Variants in THSD7A observed in about 807,000 individuals in gnomAD.
The protein encoded by THSD7A is thrombospondin type-1 domain-containing protein 7A.
A neutral mutation model predicts 231.3 loss-of-function variants in THSD7A; 96 were observed. The ratio of observed to expected loss-of-function variants is 0.41; its 90% CI spans 0.35 to 0.49. THSD7A has a LOEUF of 0.49. THSD7A is among the 20% of genes least tolerant of loss of function. THSD7A has a pLI of 0.05. For missense variants in THSD7A, 2,290 were observed against 2,070.2 expected, an observed-to-expected ratio of 1.11 and a Z score of -2.06; for synonymous variants, 940 against 743.3, an observed-to-expected ratio of 1.26 and a Z score of -4.30.
chr7:11,397,238 C>T (rs1168695457), intron 23 of THSD7A, among the ~76,000 whole-genome samples: 1 of 152,128 alleles, frequency 6.6e-6, no homozygotes, highest in East Asian at 1.9e-4. Flanking sequence ...TGGAACACAA[C>T]CGAGGCCTCA....
At chr7:11,660,553 C>A (rs1286448314) in intron 1 of THSD7A, among the ~76,000 whole-genome samples, 2 of 151,120 alleles carry the variant, frequency 1.3e-5, no homozygotes, top group African/African-American at 4.8e-5. Flanking sequence ...TATACAGAAA[C>A]ACATACAAAT....
chr7:11,493,679 C>T (rs1460728538), intron 6 of THSD7A, among the ~76,000 whole-genome samples: 1 of 151,974 alleles, frequency 6.6e-6, no homozygotes. Context: ...GCCCATTGTA[C>T]CATTTTAATT....
rs1006606645 is a variant in THSD7A, at chr7:11,814,560, A to C, written c.190+17197T>G. On this transcript the variant is annotated intron_variant, in intron 1 of 27. Coordinates refer to ENST00000423059, the MANE Select transcript of THSD7A (RefSeq NM_015204.3). This position sits in a 1 kb window ranked among gnomAD's most constrained non-coding sequence, Gnocchi z 5.1. ...TTTCATGATTCTGCAGTGCTTGATC[A>C]ACCAAGGTTGAAGGACCACCTTGTC... Among the ~76,000 whole-genome samples the C allele has an allele frequency of 6.6e-6, 1 of 152,190 alleles. No individual in the cohort carries two copies. The highest frequency in any genetic ancestry group is 2.4e-5 in the African/African-American group (1 of 41,456).
At chr7:11,433,692 G>C (rs969456419) in intron 13 of THSD7A, among the ~76,000 whole-genome samples, 1 of 151,916 alleles carries the variant, frequency 6.6e-6, no homozygotes, top group Non-Finnish European at 1.5e-5. Context: ...AATTATAACT[G>C]AAAATAGAAT....
intron 6 of THSD7A, among the ~76,000 whole-genome samples, chr7:11,534,096 G>A (rs1052693934): frequency 1.3e-5 from 2 of 152,178 alleles, no homozygotes; most frequent in Non-Finnish European, 1.5e-5. Context: ...TGCAAATCAT[G>A]AGATAGTAAA....
chr7:11,577,853 C>T (rs1302237850), intron 4 of THSD7A, among the ~76,000 whole-genome samples: 3 of 151,950 alleles, frequency 2.0e-5, no homozygotes, highest in Non-Finnish European at 4.4e-5. Flanking sequence ...CAGAATTCTT[C>T]AGCAATGGAC....
At chr7:11,533,980 A>G (rs1364991393) in intron 6 of THSD7A, among the ~76,000 whole-genome samples, 9 of 152,110 alleles carry the variant, frequency 5.9e-5, no homozygotes, top group Non-Finnish European at 1.3e-4. Context: ...ACTCTCTTTC[A>G]CAATATTGTA....
intron 6 of THSD7A, among the ~76,000 whole-genome samples, chr7:11,496,277 G>T (rs1269184108): frequency 6.6e-6 from 1 of 152,116 alleles, no homozygotes; most frequent in Non-Finnish European, 1.5e-5. Flanking sequence ...GTTGATTAAT[G>T]TCCCCAACTT....
At chr7:11,735,639 T>A (rs955958847) in intron 1 of THSD7A, among the ~76,000 whole-genome samples, 4 of 151,930 alleles carry the variant, frequency 2.6e-5, no homozygotes, top group Non-Finnish European at 5.9e-5. Context: ...TATACACAAC[T>A]TGTGGTATCC....
intron 6 of THSD7A, among the ~76,000 whole-genome samples, chr7:11,509,514 T>G (rs2128312880): frequency 6.6e-6 from 1 of 152,228 alleles, no homozygotes; most frequent in African/African-American, 2.4e-5. Context: ...TGATCCATGT[T>G]AACAGTGCAG....
At chr7:11,480,114 T>C (rs908935820) in intron 7 of THSD7A, among the ~76,000 whole-genome samples, 1 of 152,188 alleles carries the variant, frequency 6.6e-6, no homozygotes, top group Non-Finnish European at 1.5e-5. Context: ...TATATAAACA[T>C]CTATAACTTT....
chr7:11,670,369 T>A (rs890360717), intron 1 of THSD7A, among the ~76,000 whole-genome samples: 4 of 152,196 alleles, frequency 2.6e-5, no homozygotes, highest in African/African-American at 9.6e-5. Context: ...CCTGAGGCTG[T>A]GTAATGGAAG....
chr7:11,536,985 T>C (rs990334140), intron 6 of THSD7A, among the ~76,000 whole-genome samples: 3 of 152,150 alleles, frequency 2.0e-5, no homozygotes, highest in African/African-American at 7.2e-5. Context: ...ACTATAAGAC[T>C]TAAAATAGGG....
rs1327947307 is a variant in THSD7A, at chr7:11,797,405, CCTCT to C, written c.190+34348_190+34351del. ...TCCTGCCTTCTTTGCTTTCTTTCTGCCTCTCTCTTTTTTTTTTTTTTTTTTTTTT... is the reference window on the plus strand; with the variant it reads ...TCCTGCCTTCTTTGCTTTCTTTCTGCCTCTTTTTTTTTTTTTTTTTTTTTT... On this transcript the variant is annotated intron_variant, in intron 1 of 27. Transcript: ENST00000423059. Among the ~76,000 whole-genome samples the C allele has an allele frequency of 1.6e-4, 24 of 146,942 alleles. No homozygotes were observed. The East Asian group carries it at 2.9e-3, about 18-fold the overall frequency.
rs1562584695 is a variant in THSD7A, at chr7:11,406,614, T to C, written c.4063-140A>G. Reference sequence around the variant, plus strand: ...TTGAAACCCTAGGGAAGAAGCCCTATAGGGCACTAGCAATAAAGCATACAT... The same window carrying C: ...TTGAAACCCTAGGGAAGAAGCCCTACAGGGCACTAGCAATAAAGCATACAT... On this transcript the variant is annotated intron_variant, in intron 21 of 27. Transcript: ENST00000423059. The surrounding 1 kb of genome is among the most constrained non-coding windows in gnomAD (Gnocchi z 4.7). 4 of 933,284 alleles carry C rather than the reference T, an allele frequency of 4.3e-6. No homozygotes were observed. The highest frequency in any genetic ancestry group is 6.1e-5 in the Admixed American group (2 of 32,784). 57.8% of individuals were successfully genotyped at this position (933,284 alleles called of 1,614,324 possible).
At chr7:11,435,413 A>G (rs997840624) in intron 13 of THSD7A, among the ~76,000 whole-genome samples, 9 of 152,124 alleles carry the variant, frequency 5.9e-5, no homozygotes, top group Non-Finnish European at 8.8e-5. Context: ...GGAGAGACCA[A>G]TCATCTGATT....
Position 11,736,220 on chromosome 7 carries a change from G to A in THSD7A, c.190+95537C>T, listed in dbSNP as rs188173061. 3.5e-3 allele frequency among the ~76,000 whole-genome samples: 526 copies of A among 151,876 alleles called. 5 individuals are homozygous for A. Among genetic ancestry groups the A allele is most frequent in the Non-Finnish European group, 4.6e-3 (310 of 67,938 alleles). ...TTTATAGAAGTATCTATGATATTTCGAAAAATAATAATTAGCTATAAAAAT... is the reference window on the plus strand; with the variant it reads ...TTTATAGAAGTATCTATGATATTTCAAAAAATAATAATTAGCTATAAAAAT... On this transcript the variant is annotated intron_variant, in intron 1 of 27. Coordinates refer to ENST00000423059, the MANE Select transcript of THSD7A (RefSeq NM_015204.3).
rs770233185 is a variant in THSD7A at position 11,446,267 on chromosome 7, G to C, written c.2858C>G (p.Thr953Ser). 113 of 1,613,348 alleles carry C rather than the reference G, an allele frequency of 7.0e-5. No individual in the cohort carries two copies. Among genetic ancestry groups the C allele is most frequent in the Non-Finnish European group, 9.3e-5 (110 of 1,179,506 alleles). ...ATATTTGTCACAAGGACAATACTGAGTCTCAATCAGGGGATACAAATGGGA... is the reference window on the plus strand; with the variant it reads ...ATATTTGTCACAAGGACAATACTGACTCTCAATCAGGGGATACAAATGGGA... The part of the protein sequence containing the change: ...KNSHLYPLIE[T>S]QYCPCDKYNA... Residue 953 changes from threonine (T) to serine (S), a missense_variant, in exon 13 of 28, where the codon ACT becomes AGT. Thr to Ser is a moderately conservative substitution (Grantham distance 58, BLOSUM62 1). Transcript: ENST00000423059. The surrounding 1 kb of genome is among the most constrained non-coding windows in gnomAD (Gnocchi z 4.0).
chr7:11,690,701 T>C (rs746194649), intron 1 of THSD7A, among the ~76,000 whole-genome samples: 5 of 151,776 alleles, frequency 3.3e-5, no homozygotes, highest in Admixed American at 6.6e-5. Flanking sequence ...AAACAACCCA[T>C]ACTTTCTCGA....
Sources: gnomAD v4.1 joint callset for allele counts (sites outside exome capture counted in the v4.1 genomes callset) on GRCh38, gnomAD v4.1.1 for gene constraint, Gnocchi (gnomAD v3.1) non-coding constraint, MANE v1.5 for transcripts, NCBI Gene and HGNC (gene_info 2026-07-23, HGNC 2026-07-21) for gene names.